DENND2C: variants seen among roughly 807,000 people sequenced by gnomAD.
DENND2C encodes the protein DENN domain-containing protein 2C.
A neutral mutation model predicts 112.4 loss-of-function variants in DENND2C; 72 were observed. The ratio of observed to expected loss-of-function variants is 0.64; its 90% confidence interval spans 0.53 to 0.78. The LOEUF (loss-of-function observed/expected upper bound fraction) is 0.78, where lower values mean the gene tolerates loss of function less well. Among genes scored for constraint, DENND2C ranks in the 30% least tolerant of loss-of-function variants. The pLI is 0.00. For synonymous variants in DENND2C, 329 were observed against 381.6 expected, an observed-to-expected ratio of 0.86 and a Z score of 1.61; for missense variants, 992 against 1,113.8, an observed-to-expected ratio of 0.89 and a Z score of 1.56.
At chr1:114,631,989 T>G (rs1250111452) in intron 3 of DENND2C, among the ~76,000 whole-genome samples, 1 of 152,172 alleles carries the variant, frequency 6.6e-6, no homozygotes, top group South Asian at 2.1e-4. Context: ...CTTAAAAATA[T>G]ACTATCTGAA....
intron 3 of DENND2C, among the ~76,000 whole-genome samples, chr1:114,633,034 C>T (rs896473586): frequency 2.0e-5 from 3 of 151,974 alleles, no homozygotes; most frequent in Admixed American, 6.6e-5. Context: ...CTAAAGTAAA[C>T]ATAATGCACT....
Position 114,625,260 on chromosome 1 carries a change from G to C in DENND2C, c.725C>G (p.Ser242Cys). Reference sequence around the variant, plus strand: ...AGAGGCCAAAGAAGATTGTGCACAAGAGTTATTTTCACAGTATTTTTTGTC... The same window carrying C: ...AGAGGCCAAAGAAGATTGTGCACAACAGTTATTTTCACAGTATTTTTTGTC... The part of the protein sequence containing the change: ...NCDKKYCENN[S>C]CAQSSLASSQ... Residue 242 changes from serine to cysteine, a missense_variant, in exon 4 of 21, where the codon TCT becomes TGT. Coordinates refer to ENST00000393274, the MANE Select transcript of DENND2C (RefSeq NM_001256404.2). 6.2e-7 allele frequency: 1 copy of C among 1,614,142 alleles called. No homozygotes were observed. The highest frequency in any genetic ancestry group is 8.5e-7 in the Non-Finnish European group (1 of 1,180,006).
chr1:114,663,499 T>C (rs1198493239), intron 1 of DENND2C, among the ~76,000 whole-genome samples: 1 of 152,212 alleles, frequency 6.6e-6, no homozygotes, highest in African/African-American at 2.4e-5. Flanking sequence ...AGAAATGTAC[T>C]AGAATTTAAA....
intron 5 of DENND2C, 77 bp downstream of exon 5, chr1:114,623,430 G>A (rs745341823): frequency 8.4e-6 from 12 of 1,427,272 alleles, no homozygotes. Flanking sequence ...GATTATAGAA[G>A]AAAATACCAT....
At chr1:114,598,734 T>C (rs555231325) in intron 16 of DENND2C, among the ~76,000 whole-genome samples, 27 of 152,332 alleles carry the variant, frequency 1.8e-4, no homozygotes, top group African/African-American at 6.5e-4. Flanking sequence ...CAGGTTGGAG[T>C]GCAGTGGCAT....
intron 1 of DENND2C, among the ~76,000 whole-genome samples, chr1:114,669,262 A>G (rs909985225): frequency 6.6e-6 from 1 of 152,134 alleles, no homozygotes; most frequent in Admixed American, 6.5e-5. Context: ...CACTCATCTG[A>G]TTTGACCCTG....
rs1340558307 is a variant in DENND2C, at chr1:114,582,973, A to C, written c.*2627T>G. ...TACAGAAAACACAACAGACCTAAGG[A>C]AATGAAGCAGCTTCAGGCTGCGAGG... On this transcript the variant is annotated 3_prime_UTR_variant, in exon 21 of 21. Coordinates refer to ENST00000393274, the MANE Select transcript of DENND2C (RefSeq NM_001256404.2). The C allele has an allele frequency of 6.6e-6, 1 of 152,266 alleles. No individual in the cohort carries two copies. Among genetic ancestry groups the C allele is most frequent in the African/African-American group, 2.4e-5 (1 of 41,474 alleles). The allele number at this position is 152,266 out of a possible 1,614,324, so 9.4% of individuals were successfully genotyped here.
intron 3 of DENND2C, among the ~76,000 whole-genome samples, chr1:114,635,737 T>C (rs898410051): frequency 1.3e-5 from 2 of 152,304 alleles, no homozygotes; most frequent in African/African-American, 4.8e-5. Context: ...CTGGGCGCGA[T>C]CACTCACACC....
At chr1:114,635,588 A>T (rs935678299) in intron 3 of DENND2C, among the ~76,000 whole-genome samples, 1 of 152,224 alleles carries the variant, frequency 6.6e-6, no homozygotes, top group African/African-American at 2.4e-5. Context: ...CAGAGGAAGT[A>T]GAAACAATTT....
rs532256981 is a variant in DENND2C, at chr1:114,601,995, A to G, written c.1737+130T>C. On this transcript the variant is annotated intron_variant, in intron 12 of 20. Transcript: ENST00000393274. Reference sequence around the variant, plus strand: ...ACCTTCCTCTTGCTGTTTAAAGCTAATACAGCTTCCTTAATACACAGATCA... The same window carrying G: ...ACCTTCCTCTTGCTGTTTAAAGCTAGTACAGCTTCCTTAATACACAGATCA... 1.1e-5 allele frequency: 9 copies of G among 849,510 alleles called. No individual in the cohort carries two copies. The East Asian group carries it at 2.1e-4, about 19-fold the overall frequency. 52.6% of individuals were successfully genotyped at this position (849,510 alleles called of 1,614,324 possible). A position where few individuals can be genotyped will look rare whatever the true frequency, so the allele number is the denominator to read the frequency against.
chr1:114,639,839 G>T (rs1312055992), intron 3 of DENND2C, among the ~76,000 whole-genome samples: 3 of 151,814 alleles, frequency 2.0e-5, no homozygotes, highest in Admixed American at 2.0e-4. Flanking sequence ...TTACAGGCAT[G>T]AACTACCTGG....
chr1:114,660,365 G>A (rs569556153), intron 1 of DENND2C, among the ~76,000 whole-genome samples: 18 of 152,252 alleles, frequency 1.2e-4, no homozygotes, highest in Admixed American at 3.9e-4. Flanking sequence ...GGACAGAAAC[G>A]GAGCCCAGCA....
intron 2 of DENND2C, among the ~76,000 whole-genome samples, chr1:114,648,225 C>T (rs1025529465): frequency 1.3e-5 from 2 of 152,232 alleles, no homozygotes; most frequent in Non-Finnish European, 2.9e-5. Context: ...CCCAAACTAA[C>T]ACAAACCTAG....
intron 7 of DENND2C, among the ~76,000 whole-genome samples, chr1:114,620,767 A>G (rs11102825): frequency 0.19 from 28,724 of 152,130 alleles, 3,632 homozygotes; most frequent in Non-Finnish European, 0.28. Context: ...AGCTTTAAAA[A>G]ACCTCTATGT....
chr1:114,583,391 TAAAACCATCAGCAGAA>T lies in DENND2C; in HGVS notation c.*2193_*2208del, dbSNP rs1173090672. ...TTGAATAAATACTTTCTGTGCCAGTTAAAACCATCAGCAGAAACTGAAGAAAACAAACTGACATTTG... is the reference window on the plus strand; with the variant it reads ...TTGAATAAATACTTTCTGTGCCAGTTACTGAAGAAAACAAACTGACATTTG... On this transcript the variant is annotated 3_prime_UTR_variant, in exon 21 of 21. Coordinates refer to ENST00000393274, the MANE Select transcript of DENND2C (RefSeq NM_001256404.2). 1 of 152,130 alleles carries T rather than the reference TAAAACCATCAGCAGAA, an allele frequency of 6.6e-6. No individual in the cohort carries two copies. Among genetic ancestry groups the T allele is most frequent in the African/African-American group, 2.4e-5 (1 of 41,396 alleles). The allele number at this position is 152,130 out of a possible 1,614,324, so 9.4% of individuals were successfully genotyped here.
rs181039857 is a variant in DENND2C, at chr1:114,631,361, C to T, written c.-204-5173G>A. Among the ~76,000 whole-genome samples, 5 of 151,942 alleles carry T rather than the reference C, an allele frequency of 3.3e-5. No individual in the cohort carries two copies. In the East Asian group the frequency reaches 5.8e-4, roughly 18 times the overall value. On this transcript the variant is annotated intron_variant, in intron 3 of 20. Transcript: ENST00000393274. The stretch of plus-strand genomic sequence containing the variant: ...CAAGCCTTGGCGACAGAGCAAGACT[C>T]CATCTCAAAAAATAAATTAAAAAAA...
intron 8 of DENND2C, among the ~76,000 whole-genome samples, chr1:114,612,671 C>A (rs950982375): frequency 2.0e-5 from 3 of 152,038 alleles, no homozygotes; most frequent in Non-Finnish European, 2.9e-5. Context: ...AGGCGTGTGC[C>A]GCCACACTGG....
chr1:114,604,271 G>T (rs529428948), intron 11 of DENND2C, among the ~76,000 whole-genome samples: 1 of 152,314 alleles, frequency 6.6e-6, no homozygotes, highest in South Asian at 2.1e-4. Context: ...ACGGTTCAAT[G>T]AATAAAGCTT....
At chr1:114,590,405 T>A (rs908337805) in intron 18 of DENND2C, among the ~76,000 whole-genome samples, 1 of 151,730 alleles carries the variant, frequency 6.6e-6, no homozygotes, top group Non-Finnish European at 1.5e-5. Context: ...AAAAAATTCA[T>A]TCTTAAGGCT....
Sources: gnomAD v4.1 joint callset for allele counts (sites outside exome capture counted in the v4.1 genomes callset) on GRCh38, gnomAD v4.1.1 for gene constraint, MANE v1.5 for transcripts, NCBI Gene and HGNC (gene_info 2026-07-23, HGNC 2026-07-21) for gene names.